The following ERI1 variants were observed in gnomAD, a reference collection of about 807,000 sequenced individuals.
ERI1 encodes the protein 3'-5' exoribonuclease 1.
A neutral mutation model predicts 39.7 loss-of-function variants in ERI1; 39 were observed. The observed-to-expected ratio is 0.98, with a 90% CI of 0.76 to 1.28. The LOEUF (loss-of-function observed/expected upper bound fraction) is 1.28, where lower values mean the gene tolerates loss of function less well. Among genes scored for constraint, ERI1 ranks in the 50% most tolerant of loss-of-function variants. ERI1 has a pLI of 0.00. For missense variants in ERI1, 581 were observed against 416.9 expected, an observed-to-expected ratio of 1.39 and a Z score of -3.43; for synonymous variants, 204 against 149.6, an observed-to-expected ratio of 1.36 and a Z score of -2.65.
chr8:9,097,386 G>A (rs112967613), intron 3 of ERI1, among the ~76,000 whole-genome samples: 22 of 152,302 alleles, frequency 1.4e-4, no homozygotes, highest in African/African-American at 5.3e-4. Flanking sequence ...TTTAGGGCCA[G>A]GTGCGGTGGC....
chr8:9,060,340 T>C (rs1798650908), intron 3 of ERI1, among the ~76,000 whole-genome samples: 1 of 152,064 alleles, frequency 6.6e-6, no homozygotes, highest in Non-Finnish European at 1.5e-5. Flanking sequence ...CTACCCAGAC[T>C]AAGAGATATT....
At position 9,013,354 on chromosome 8, in the gene ERI1, C is replaced by A. The variant is rs534922380; in HGVS notation, c.498+1602C>A. On this transcript the variant is annotated intron_variant, in intron 3 of 6. Transcript: ENST00000250263. Reference sequence around the variant, plus strand: ...AAAAAAAAAAAAAAAATTAACACTGCACTGCTGGCTTGAATACTCTTTCCT... The same window carrying A: ...AAAAAAAAAAAAAAAATTAACACTGAACTGCTGGCTTGAATACTCTTTCCT... Among the ~76,000 whole-genome samples the A allele has an allele frequency of 5.9e-5, 9 of 151,284 alleles. 1 individual carries two copies. The highest frequency in any genetic ancestry group is 2.1e-4 in the South Asian group (1 of 4,788).
At chr8:9,013,432 A>C (rs182435765) in intron 3 of ERI1, among the ~76,000 whole-genome samples, 1 of 151,022 alleles carries the variant, frequency 6.6e-6, no homozygotes, top group Non-Finnish European at 1.5e-5. Context: ...CTCCAGCCCT[A>C]CTGGATTCCC....
chr8:9,027,414 A>T (rs1263213933), intron 6 of ERI1, among the ~76,000 whole-genome samples: 2 of 152,084 alleles, frequency 1.3e-5, no homozygotes, highest in African/African-American at 4.8e-5. Flanking sequence ...TATACTTGCA[A>T]ATGTATCTTC....
At chr8:9,084,175 T>C (rs1799456450) in intron 3 of ERI1, among the ~76,000 whole-genome samples, 1 of 152,034 alleles carries the variant, frequency 6.6e-6, no homozygotes, top group African/African-American at 2.4e-5. Flanking sequence ...GGCAGGAGGA[T>C]CACCTGAGCC....
rs994485391 is a variant in ERI1 at position 9,032,098 on chromosome 8, C to T, written c.*2064C>T. 15 of 152,232 alleles carry T rather than the reference C, an allele frequency of 9.9e-5. No individual in the cohort carries two copies. The highest frequency in any genetic ancestry group is 9.2e-4 in the Admixed American group (14 of 15,290). 9.4% of individuals were successfully genotyped at this position (152,232 alleles called of 1,614,324 possible). The stretch of plus-strand genomic sequence containing the variant: ...TTCCTCTGTTGAGTCTCTGTCCTCC[C>T]CTCCAATTTGATTTGGGATTTTGCT... On this transcript the variant is annotated 3_prime_UTR_variant, in exon 7 of 7. Coordinates refer to ENST00000250263, the MANE Select transcript of ERI1 (RefSeq NM_153332.4).
intron 3 of ERI1, among the ~76,000 whole-genome samples, chr8:9,084,143 T>G (rs965442502): frequency 3.3e-5 from 5 of 152,122 alleles, no homozygotes; most frequent in African/African-American, 1.2e-4. Flanking sequence ...GCACCTGTAG[T>G]CCCAGCTACT....
chr8:9,008,160 T>G lies in ERI1; in HGVS notation c.287+12T>G. The G allele has an allele frequency of 6.5e-7, 1 of 1,547,860 alleles. No homozygotes were observed. The highest frequency in any genetic ancestry group is 8.7e-7 in the Non-Finnish European group (1 of 1,149,094). On this transcript the variant is annotated intron_variant, in intron 2 of 6. Transcript: ENST00000250263. ...AAGCTTGAAACTAGGTAATTAAAAATAACTTATAAAATTATAAAAGTAGTA... is the reference window on the plus strand; with the variant it reads ...AAGCTTGAAACTAGGTAATTAAAAAGAACTTATAAAATTATAAAAGTAGTA...
chr8:9,094,753 A>G (rs1000369976), intron 3 of ERI1, among the ~76,000 whole-genome samples: 24 of 152,148 alleles, frequency 1.6e-4, no homozygotes, highest in South Asian at 4.1e-4. Flanking sequence ...GCCCTTCCCT[A>G]ACACTTAACA....
In ERI1 at chr8:9,030,097, C is replaced by T. The variant is rs1311387744; in HGVS notation, c.*63C>T. 3 of 1,593,592 alleles carry T rather than the reference C, an allele frequency of 1.9e-6. No homozygotes were observed. The Admixed American group carries it at 5.0e-5, about 27-fold the overall frequency. On this transcript the variant is annotated 3_prime_UTR_variant, in exon 7 of 7. Coordinates refer to ENST00000250263, the MANE Select transcript of ERI1 (RefSeq NM_153332.4). Reference sequence around the variant, plus strand: ...CTATGAAGAGGTAGCAGATGAATCTCATTGAATTAGTCCTGTAGTGCAAAC... The same window carrying T: ...CTATGAAGAGGTAGCAGATGAATCTTATTGAATTAGTCCTGTAGTGCAAAC...
At chr8:9,040,221 G>C (rs180961805) in intron 3 of ERI1, among the ~76,000 whole-genome samples, 19 of 152,110 alleles carry the variant, frequency 1.2e-4, no homozygotes, top group Non-Finnish European at 1.5e-4. Flanking sequence ...TGGCCAATTT[G>C]TTCAATAAAA....
intron 3 of ERI1, among the ~76,000 whole-genome samples, chr8:9,082,296 C>A (rs1799395201): frequency 1.3e-5 from 2 of 152,150 alleles, no homozygotes; most frequent in South Asian, 4.1e-4. Context: ...CATGTTGACT[C>A]ATGGTGTTTT....
chr8:9,033,770 T>A (rs993822434), downstream of ERI1, among the ~76,000 whole-genome samples: 5 of 152,078 alleles, frequency 3.3e-5, no homozygotes, highest in African/African-American at 4.8e-5. Flanking sequence ...TTGCTCTTTA[T>A]CTCTGTGCTA....
intron 1 of ERI1, among the ~76,000 whole-genome samples, chr8:9,006,242 G>T (rs973767288): frequency 6.6e-5 from 10 of 152,184 alleles, no homozygotes; most frequent in Non-Finnish European, 1.2e-4. Flanking sequence ...GCTTTCTGAG[G>T]ATTGGACCTC....
chr8:9,013,642 C>G (rs979297137), intron 3 of ERI1, among the ~76,000 whole-genome samples: 4 of 152,094 alleles, frequency 2.6e-5, no homozygotes, highest in Non-Finnish European at 4.4e-5. Context: ...ATTTCCAACC[C>G]GTTCCAAATC....
At position 9,031,070 on chromosome 8, in the gene ERI1, C is replaced by CT. The variant is rs1563340009; in HGVS notation, c.*1038dup. On this transcript the variant is annotated 3_prime_UTR_variant, in exon 7 of 7. Transcript: ENST00000250263. ...CATTTCGACTTGATAAGGTAAAACT[C>CT]TTATCTAGAGGCTAAACCCATGTAT... 2.6e-5 allele frequency: 4 copies of CT among 152,160 alleles called. No homozygotes were observed. Among genetic ancestry groups the CT allele is most frequent in the Admixed American group, 6.5e-5 (1 of 15,282 alleles). 9.4% of individuals were successfully genotyped at this position (152,160 alleles called of 1,614,324 possible).
At chr8:9,004,290 T>G (rs1815719308) in intron 1 of ERI1, 1 of 1,151,630 alleles carries the variant, frequency 8.7e-7, no homozygotes. Context: ...GTTGTCAATC[T>G]CATCCTGTAA....
chr8:9,036,992 A>T (rs145588442), downstream of ERI1, among the ~76,000 whole-genome samples: 5 of 152,174 alleles, frequency 3.3e-5, no homozygotes, highest in African/African-American at 1.2e-4. Context: ...TTGTCCAGTC[A>T]CTTTATCCTC....
intron 3 of ERI1, among the ~76,000 whole-genome samples, chr8:9,089,688 AC>A (rs1401106952): frequency 2.6e-5 from 4 of 152,086 alleles, no homozygotes; most frequent in Admixed American, 6.5e-5. Flanking sequence ...TGTTCTCCCC[AC>A]CTCTTCTTCA....
Sources: allele counts gnomAD v4.1 joint callset (sites outside exome capture counted in the v4.1 genomes callset), GRCh38; gene constraint gnomAD v4.1.1; transcripts MANE v1.5; gene names NCBI Gene and HGNC (gene_info 2026-07-23, HGNC 2026-07-21).